MATN2: variants seen among roughly 807,000 people sequenced by gnomAD.
The protein encoded by MATN2 is matrilin-2.
MATN2 carries 69 observed loss-of-function variants against 103.2 expected under a neutral mutation model. The ratio of observed to expected loss-of-function variants is 0.67; its 90% confidence interval spans 0.55 to 0.82. The LOEUF (loss-of-function observed/expected upper bound fraction) is 0.82, where lower values mean the gene tolerates loss of function less well. MATN2 is among the 40% of genes least tolerant of loss of function. The pLI is 0.00. For missense variants in MATN2, 1,023 were observed against 1,211.5 expected, an observed-to-expected ratio of 0.84 and a Z score of 2.31; for synonymous variants, 429 against 450.2, an observed-to-expected ratio of 0.95 and a Z score of 0.60.
intron 5 of MATN2, among the ~76,000 whole-genome samples, chr8:97,967,284 A>G (rs1442044506): frequency 6.6e-6 from 1 of 152,120 alleles, no homozygotes; most frequent in Non-Finnish European, 1.5e-5. Flanking sequence ...GGCCCCCCAT[A>G]TTTCATGTCC....
At chr8:97,876,523 A>G (rs895566916) in intron 1 of MATN2, among the ~76,000 whole-genome samples, 2 of 151,800 alleles carry the variant, frequency 1.3e-5, no homozygotes, top group South Asian at 2.1e-4. Flanking sequence ...AGGGTCTCAC[A>G]ATATTGACCA....
At chr8:98,025,565 G>A in intron 13 of MATN2, 1 of 270,472 alleles carries the variant, frequency 3.7e-6, no homozygotes, top group South Asian at 3.0e-5. Flanking sequence ...GGCCAAGATG[G>A]TGAAACCCCG....
chr8:97,962,885 A>G (rs972462109), intron 5 of MATN2, among the ~76,000 whole-genome samples: 2 of 152,224 alleles, frequency 1.3e-5, no homozygotes, highest in Non-Finnish European at 2.9e-5. Flanking sequence ...CTGTAATCCC[A>G]GCACTATGGG....
intron 2 of MATN2, among the ~76,000 whole-genome samples, chr8:97,897,633 C>G (rs1445825573): frequency 6.6e-6 from 1 of 151,922 alleles, no homozygotes; most frequent in Non-Finnish European, 1.5e-5. Flanking sequence ...TTTTTTAAAC[C>G]TTTGAAGTAA....
intron 3 of MATN2, among the ~76,000 whole-genome samples, chr8:97,936,929 C>T (rs1043942333): frequency 6.6e-6 from 1 of 152,188 alleles, no homozygotes; most frequent in African/African-American, 2.4e-5. Flanking sequence ...TTGAAAGTGT[C>T]AGGAATTCCA....
At position 97,884,324 on chromosome 8, in the gene MATN2, G is replaced by A. The variant is rs575595841; in HGVS notation, c.-26-3751G>A. 4.6e-5 allele frequency among the ~76,000 whole-genome samples: 7 copies of A among 151,768 alleles called. No individual in the cohort carries two copies. In the South Asian group the frequency reaches 1.5e-3, roughly 32 times the overall value. On this transcript the variant is annotated intron_variant, in intron 1 of 18. Coordinates refer to ENST00000254898, the MANE Select transcript of MATN2 (RefSeq NM_002380.5). ...CCCAGCTAATTTTGTATTTTTAGTA[G>A]AGACGGGATTTCTCCATGTTGATGA...
chr8:97,961,624 T>C, intron 5 of MATN2, 94 bp downstream of exon 5: 1 of 1,351,224 alleles, frequency 7.4e-7, no homozygotes, highest in Non-Finnish European at 9.7e-7. Context: ...CATATTTGTT[T>C]CCTCACCTTT....
At position 97,908,337 on chromosome 8, in the gene MATN2, C is replaced by T. The variant is rs192278677; in HGVS notation, c.142+20095C>T. On this transcript the variant is annotated intron_variant, in intron 2 of 18. Transcript: ENST00000254898. The stretch of plus-strand genomic sequence containing the variant: ...TTACAACTAGGAATTAAGCCAGTTA[C>T]GATGGCCCATGCCTATAATCCCAGA... Among the ~76,000 whole-genome samples, 15 of 151,880 alleles carry T rather than the reference C, an allele frequency of 9.9e-5. No homozygotes were observed. In the East Asian group the frequency reaches 2.3e-3, roughly 24 times the overall value.
At chr8:97,996,894 G>A (rs1812604017) in intron 7 of MATN2, among the ~76,000 whole-genome samples, 1 of 152,182 alleles carries the variant, frequency 6.6e-6, no homozygotes, top group Admixed American at 6.5e-5. Context: ...ATGGATGTGG[G>A]TAATTTTCAA....
intron 1 of MATN2, among the ~76,000 whole-genome samples, chr8:97,887,185 C>T (rs1037178524): frequency 2.0e-5 from 3 of 152,042 alleles, no homozygotes; most frequent in Admixed American, 2.0e-4. Context: ...AGTCACCACA[C>T]CTGGACTTTT....
At chr8:97,942,816 A>G (rs1810613337) in intron 4 of MATN2, among the ~76,000 whole-genome samples, 1 of 152,184 alleles carries the variant, frequency 6.6e-6, no homozygotes, top group Non-Finnish European at 1.5e-5. Context: ...TTAGTGTCAC[A>G]TTTATAGAGG....
chr8:97,967,602 AAAC>A (rs1811525288), intron 5 of MATN2, among the ~76,000 whole-genome samples: 1 of 152,256 alleles, frequency 6.6e-6, no homozygotes, highest in Admixed American at 6.5e-5. Context: ...TAAAACTCCA[AAAC>A]AATCTCCTTT....
chr8:98,035,789 G>A lies in MATN2; in HGVS notation c.*77G>A, dbSNP rs985359310. The A allele has an allele frequency of 7.0e-6, 6 of 856,630 alleles. No homozygotes were observed. The highest frequency in any genetic ancestry group is 2.8e-5 in the East Asian group (1 of 35,454). The allele number at this position is 856,630 out of a possible 1,614,324, so 53.1% of individuals were successfully genotyped here. A position where few individuals can be genotyped will look rare whatever the true frequency, so the allele number is the denominator to read the frequency against. On this transcript the variant is annotated 3_prime_UTR_variant, in exon 19 of 19. Transcript: ENST00000254898. ...ACGCAGTGCAGAGCCCCAAAGCTCA[G>A]GCTATTGTTAAATCAATAATGTTGT...
chr8:97,956,387 G>A (rs1586088716), intron 4 of MATN2, among the ~76,000 whole-genome samples: 1 of 152,288 alleles, frequency 6.6e-6, no homozygotes, highest in South Asian at 2.1e-4. Flanking sequence ...ATGTTGGCCA[G>A]GCTGCTCTTG....
intron 5 of MATN2, among the ~76,000 whole-genome samples, chr8:97,972,540 A>C (rs576327923): frequency 1.3e-5 from 2 of 152,316 alleles, no homozygotes; most frequent in South Asian, 2.1e-4. Context: ...CTTTGTTATC[A>C]GCAAACTTTA....
chr8:97,920,154 T>C (rs1202659460), intron 2 of MATN2, among the ~76,000 whole-genome samples: 14 of 152,174 alleles, frequency 9.2e-5, no homozygotes, highest in Non-Finnish European at 1.5e-5. Flanking sequence ...TTGAAGAAAT[T>C]GCTTTGATGG....
chr8:97,957,591 G>A (rs549093337), intron 4 of MATN2, among the ~76,000 whole-genome samples: 1 of 152,352 alleles, frequency 6.6e-6, no homozygotes, highest in African/African-American at 2.4e-5. Context: ...GATGCGAGCA[G>A]TAATCTTGCA....
intron 8 of MATN2, among the ~76,000 whole-genome samples, chr8:98,006,742 AT>A (rs1472988586): frequency 1.3e-5 from 2 of 152,242 alleles, no homozygotes. Context: ...CAGGGACAGC[AT>A]TCCCCAGCCA....
At chr8:97,970,713 C>A (rs1322208827) in intron 5 of MATN2, among the ~76,000 whole-genome samples, 2 of 152,010 alleles carry the variant, frequency 1.3e-5, no homozygotes, top group Non-Finnish European at 2.9e-5. Flanking sequence ...TTTGAGAGGC[C>A]AAGGTGGGAG....
Sources: gnomAD v4.1 joint callset for allele counts (sites outside exome capture counted in the v4.1 genomes callset) on GRCh38, gnomAD v4.1.1 for gene constraint, MANE v1.5 for transcripts, NCBI Gene and HGNC (gene_info 2026-07-23, HGNC 2026-07-21) for gene names.